Variants in CANX observed in about 807,000 individuals in gnomAD.
CANX encodes the protein calnexin.
Under a neutral mutation model 75.7 loss-of-function variants are expected in CANX, and 14 were observed. That is an observed-to-expected ratio of 0.19 (90% CI 0.12 to 0.29). The LOEUF is 0.29. Ranked by LOEUF, CANX falls within the 10% of genes least tolerant of loss-of-function variation. CANX has a pLI of 1.00. For synonymous variants in CANX, 227 were observed against 236.9 expected (o/e 0.96, Z 0.38); for missense variants, 567 against 713.2 (o/e 0.79, Z 2.34).
At chr5:179,702,392 T>G (rs770306631) in intron 1 of CANX, among the ~76,000 whole-genome samples, 7 of 151,802 alleles carry the variant, frequency 4.6e-5, no homozygotes, top group Non-Finnish European at 8.8e-5. Context: ...CTCTCCCTTC[T>G]TCCCTCCCTC....
intron 1 of CANX, among the ~76,000 whole-genome samples, chr5:179,687,656 A>G (rs1181319068): frequency 1.3e-5 from 2 of 152,180 alleles, no homozygotes; most frequent in Non-Finnish European, 2.9e-5. Flanking sequence ...TCTGATGGAC[A>G]TGGAATCAGA....
chr5:179,693,701 C>T (rs186944300), upstream of CANX, among the ~76,000 whole-genome samples: 6 of 151,250 alleles, frequency 4.0e-5, no homozygotes, highest in Admixed American at 4.0e-4. Context: ...AAACTAGCCA[C>T]GCATGGTGGT....
At chr5:179,692,197 C>A (rs944781757) in intron 1 of CANX, among the ~76,000 whole-genome samples, 2 of 152,028 alleles carry the variant, frequency 1.3e-5, no homozygotes, top group African/African-American at 4.8e-5. Flanking sequence ...GCCTCAGCCT[C>A]CCAAGTAGCT....
At chr5:179,680,980 T>C in intron 1 of CANX, 1 of 1,421,418 alleles carries the variant, frequency 7.0e-7, no homozygotes, top group Non-Finnish European at 9.6e-7. Context: ...CCTCACTGTA[T>C]GTTGTGCCTC....
intron 5 of CANX, 48 bp from the exon 6 acceptor site, chr5:179,708,930 G>C: frequency 1.0e-6 from 1 of 953,810 alleles, no homozygotes; most frequent in East Asian, 2.4e-5. Flanking sequence ...AGAGAGTTTC[G>C]ATCTTTCAAA....
chr5:179,684,919 ATTTTGTATTTTTTTT>A (rs760982621), intron 1 of CANX, among the ~76,000 whole-genome samples: 2,040 of 95,226 alleles, frequency 0.021, 30 homozygotes, highest in Non-Finnish European at 0.031. Context: ...CACCTGGCTA[ATTTTGTATTTTTTTT>A]TTTTTTTTTT....
chr5:179,715,826 T>G (rs952642990), intron 7 of CANX: 2 of 408,134 alleles, frequency 4.9e-6, no homozygotes, highest in East Asian at 5.5e-5. Flanking sequence ...TTTTTTTTGT[T>G]TTTTTTTTTT....
Position 179,722,788 on chromosome 5 carries a change from A to T in CANX, c.1183-16A>T, listed in dbSNP as rs774002790. ...TCATTATCTGAAATGATTTTCTGAA[A>T]CATTTTTTTTTCTAGGGAATCTGGA... is the stretch of plus-strand genomic sequence containing the variant. On this transcript the variant is annotated splice_polypyrimidine_tract_variant and intron_variant, in intron 10 of 14. Transcript: ENST00000247461. 2 of 1,550,832 alleles carry T rather than the reference A, an allele frequency of 1.3e-6. No homozygotes were observed. Among genetic ancestry groups the T allele is most frequent in the South Asian group, 2.3e-5 (2 of 88,050 alleles).
At chr5:179,696,071 C>T (rs528197080), upstream of CANX, among the ~76,000 whole-genome samples, 2 of 152,022 alleles carry the variant, frequency 1.3e-5, no homozygotes, top group Admixed American at 1.3e-4. Context: ...AGGCTCAAGC[C>T]ACTATGCCAA....
In CANX at chr5:179,684,924, G is replaced by GTTTTTTTTTTTTTTTTTTTTTT; in HGVS notation, c.-4+6148_-4+6149insTTTTTTTTTTTTTTTTTTTTTT. On this transcript the variant is annotated intron_variant, in intron 1 of 14. Coordinates refer to the CANX transcript ENST00000681674. The stretch of plus-strand genomic sequence containing the variant: ...TGTGCCACCACACCTGGCTAATTTT[G>GTTTTTTTTTTTTTTTTTTTTTT]TATTTTTTTTTTTTTTTTTTTTTTT... 6.9e-5 allele frequency among the ~76,000 whole-genome samples: 2 copies of GTTTTTTTTTTTTTTTTTTTTTT among 28,984 alleles called. 1 individual carries two copies. Among genetic ancestry groups the GTTTTTTTTTTTTTTTTTTTTTT allele is most frequent in the Non-Finnish European group, 1.4e-4 (2 of 14,742 alleles). The allele number at this position is 28,984 out of a possible 152,430, so 19.0% of individuals were successfully genotyped here.
At chr5:179,700,432 T>C (rs567363191) in intron 1 of CANX, 7 of 152,210 alleles carry the variant, frequency 4.6e-5, no homozygotes, top group Non-Finnish European at 8.8e-5. Context: ...AACTGCCATA[T>C]GGATCAACTG....
upstream of CANX, chr5:179,694,277 TA>T: frequency 2.0e-6 from 1 of 493,008 alleles, no homozygotes. Context: ...GAGAAGAATG[TA>T]AAAAGAAAAA....
At chr5:179,722,342 C>T (rs952668545) in intron 10 of CANX, among the ~76,000 whole-genome samples, 30 of 152,230 alleles carry the variant, frequency 2.0e-4, no homozygotes, top group African/African-American at 7.2e-4. Flanking sequence ...GTCACTTTTG[C>T]TTTCAGAGTC....
chr5:179,702,316 T>A (rs1776826043), intron 1 of CANX, among the ~76,000 whole-genome samples: 1 of 151,652 alleles, frequency 6.6e-6, no homozygotes, highest in Non-Finnish European at 1.5e-5. Flanking sequence ...ACTCCCAGAG[T>A]TCTGGGATTA....
Position 179,709,978 on chromosome 5 carries a change from G to T in CANX, c.634G>T (p.Gly212Cys), listed in dbSNP as rs948199686. 3 of 1,612,804 alleles carry T rather than the reference G, an allele frequency of 1.9e-6. No individual in the cohort carries two copies. Among genetic ancestry groups the T allele is most frequent in the Admixed American group, 3.3e-5 (2 of 59,958 alleles). Residue 212 changes from glycine to cysteine, a missense_variant, in exon 7 of 15, where the codon GGT (glycine) becomes TGT (cysteine). Coordinates refer to ENST00000247461, the MANE Select transcript of CANX (RefSeq NM_001746.4). ...FIFRHKNPKT[G>C]IYEEKHAKRP... is the part of the protein sequence containing the mutation. ...CTTCCGACACAAAAACCCCAAAACG[G>T]GTATCTATGAAGAAAAACATGCTAA...
intron 13 of CANX, among the ~76,000 whole-genome samples, chr5:179,726,098 C>T (rs537998999): frequency 1.3e-5 from 2 of 150,204 alleles, no homozygotes; most frequent in East Asian, 3.9e-4. Flanking sequence ...AGATCAGCCT[C>T]GCCAACATGG....
At chr5:179,689,661 A>T (rs1238804802) in intron 1 of CANX, among the ~76,000 whole-genome samples, 1 of 152,086 alleles carries the variant, frequency 6.6e-6, no homozygotes, top group Non-Finnish European at 1.5e-5. Context: ...AAGTGTTGGG[A>T]TTACAGGCGT....
intron 1 of CANX, among the ~76,000 whole-genome samples, chr5:179,700,718 G>A (rs2113092377): frequency 6.6e-6 from 1 of 152,260 alleles, no homozygotes; most frequent in South Asian, 2.1e-4. Flanking sequence ...GACAGAAGTC[G>A]TTGCTGCCGT....
At position 179,731,121 on chromosome 5, in the gene CANX, T is replaced by C. The variant is rs1778964758; in HGVS notation, c.*2477T>C. 6.6e-6 allele frequency among the ~76,000 whole-genome samples: 1 copy of C among 152,240 alleles called. No homozygotes were observed. Among genetic ancestry groups the C allele is most frequent in the African/African-American group, 2.4e-5 (1 of 41,464 alleles). The stretch of plus-strand genomic sequence containing the variant: ...GTCTTTTCTGTCTAGCCCTTGCCTC[T>C]TCCTGCCCATGTGATTGCGGTGCAG... On this transcript the variant is annotated 3_prime_UTR_variant, in exon 15 of 15. Coordinates refer to ENST00000247461, the MANE Select transcript of CANX (RefSeq NM_001746.4).
Sources: allele counts gnomAD v4.1 joint callset (sites outside exome capture counted in the v4.1 genomes callset), GRCh38; gene constraint gnomAD v4.1.1; transcripts MANE v1.5; gene names NCBI Gene and HGNC (gene_info 2026-07-23, HGNC 2026-07-21).